Variants in LRRC8E observed in about 807,000 individuals in gnomAD.
The protein encoded by LRRC8E is volume-regulated anion channel subunit LRRC8E.
In LRRC8E, 6 loss-of-function variants were observed where a neutral mutation model predicts 6.1. The observed-to-expected ratio is 0.98, with a 90% CI of 0.54 to 1.93. The LOEUF is 1.93. Ranked by LOEUF, LRRC8E falls within the 30% of genes most tolerant of loss-of-function variation. The pLI is 0.01. For missense variants in LRRC8E, 1,028 were observed against 1,031.4 expected, an observed-to-expected ratio of 1.00 and a Z score of 0.04; for synonymous variants, 485 against 472.8, an observed-to-expected ratio of 1.03 and a Z score of -0.33.
chr19:7,899,384 G>A lies in LRRC8E; in HGVS notation c.862G>A (p.Val288Met). The A allele has an allele frequency of 6.2e-7, 1 of 1,614,196 alleles. No homozygotes were observed. Among genetic ancestry groups the A allele is most frequent in the Non-Finnish European group, 8.5e-7 (1 of 1,180,034 alleles). Residue 288 changes from valine (V) to methionine (M), a missense_variant, in exon 3 of 3, where the codon GTG becomes ATG. Coordinates refer to ENST00000306708, the MANE Select transcript of LRRC8E (RefSeq NM_025061.6). ...EKISFLVACR[V>M]ETSEVTGYAS... ...GATCAGTTTCCTGGTGGCCTGTAGG[G>A]TGGAGACGTCAGAGGTCACGGGCTA...
chr19:7,894,188 C>T (rs1981457991), intron 1 of LRRC8E, among the ~76,000 whole-genome samples: 1 of 152,148 alleles, frequency 6.6e-6, no homozygotes, highest in African/African-American at 2.4e-5. Context: ...TGCCCTCCTT[C>T]TTGGCCCAAC....
rs1350413540 is a variant in LRRC8E, at chr19:7,900,046, C to T, written c.1524C>T (p.Gly508=). 2 of 1,610,936 alleles carry T rather than the reference C, an allele frequency of 1.2e-6. No individual in the cohort carries two copies. The highest frequency in any genetic ancestry group is 1.7e-6 in the Non-Finnish European group (2 of 1,179,448). ...EVPLWVFGLR[G]LEELHLEGLF... ...CGCTTTGGGTGTTTGGGCTGCGGGG[C>T]TTGGAGGAGCTGCACCTGGAGGGGC... Residue 508 remains glycine, a synonymous_variant, in exon 3 of 3, where the codon GGC becomes GGT. Transcript: ENST00000306708. The surrounding 1 kb of genome is among the most constrained non-coding windows in gnomAD (Gnocchi z 5.0).
rs370313327 is a variant in LRRC8E, at chr19:7,900,599, C to A, written c.2077C>A (p.Pro693Thr). The part of the protein sequence containing the change: ...VSHNGLHSLP[P>T]EVGLLQNLQH... ...CCACAATGGGCTACACTCCCTGCCA[C>A]CCGAGGTGGGCCTCCTGCAGAACCT... Residue 693 changes from proline to threonine, a missense_variant, in exon 3 of 3, where the codon CCC (proline) becomes ACC (threonine). Pro to Thr is a conservative substitution (Grantham distance 38). Transcript: ENST00000306708. The surrounding 1 kb of genome is among the most constrained non-coding windows in gnomAD (Gnocchi z 5.0). 4 of 1,613,238 alleles carry A rather than the reference C, an allele frequency of 2.5e-6. No homozygotes were observed. The highest frequency in any genetic ancestry group is 1.7e-5 in the Admixed American group (1 of 60,010).
At chr19:7,889,815 T>A (rs1402013470) in intron 1 of LRRC8E, among the ~76,000 whole-genome samples, 1 of 150,576 alleles carries the variant, frequency 6.6e-6, no homozygotes, top group Non-Finnish European at 1.5e-5. Flanking sequence ...AGTGGCACGA[T>A]CTTGGCTCAC....
chr19:7,900,012 G>A lies in LRRC8E; in HGVS notation c.1490G>A (p.Arg497His), dbSNP rs558407711. The change falls in exon 3 of 3, where the codon CGC becomes CAC. Residue 497 changes from arginine to histidine, a missense_variant. Arg to His is a conservative substitution (Grantham distance 29). Coordinates refer to ENST00000306708, the MANE Select transcript of LRRC8E (RefSeq NM_025061.6). The surrounding 1 kb of genome is among the most constrained non-coding windows in gnomAD (Gnocchi z 5.0). ...KVMRVKCEEL[R>H]EVPLWVFGLR... ...ATGCGCGTCAAATGCGAGGAGCTCCGCGAGGTGCCGCTTTGGGTGTTTGGG... is the reference window on the plus strand; with the variant it reads ...ATGCGCGTCAAATGCGAGGAGCTCCACGAGGTGCCGCTTTGGGTGTTTGGG... 1.9e-6 allele frequency: 3 copies of A among 1,609,398 alleles called. No homozygotes were observed. The highest frequency in any genetic ancestry group is 4.5e-5 in the East Asian group (2 of 44,802).
At position 7,895,714 on chromosome 19, in the gene LRRC8E, G is replaced by A. The variant is rs139126578; in HGVS notation, c.111G>A (p.Met37Ile). The A allele has an allele frequency of 1.9e-6, 3 of 1,614,102 alleles. No homozygotes were observed. The highest frequency in any genetic ancestry group is 2.5e-6 in the Non-Finnish European group (3 of 1,179,968). Residue 37 changes from methionine to isoleucine, a missense_variant, in exon 2 of 3, where the codon ATG becomes ATA. By Grantham distance (10) the Met-to-Ile change is conservative. Transcript: ENST00000306708. This position sits in a 1 kb window ranked among gnomAD's most constrained non-coding sequence, Gnocchi z 4.7. ...LAEYLTVAML[M>I]IGVFGCTLQV... The stretch of plus-strand genomic sequence containing the variant: ...AGTACCTCACCGTGGCCATGCTCAT[G>A]ATTGGGGTCTTTGGCTGCACCCTCC...
chr19:7,892,057 AC>A (rs1195274307), intron 1 of LRRC8E, among the ~76,000 whole-genome samples: 1 of 147,688 alleles, frequency 6.8e-6, no homozygotes, highest in Non-Finnish European at 1.5e-5. Context: ...GCACCACCAC[AC>A]CTGGCAAGAT....
chr19:7,890,117 C>T (rs571675459), intron 1 of LRRC8E, among the ~76,000 whole-genome samples: 25 of 151,952 alleles, frequency 1.6e-4, no homozygotes, highest in Non-Finnish European at 3.2e-4. Flanking sequence ...CTGAAAACTG[C>T]TGGATGTTTC....
chr19:7,892,362 G>C (rs983959380), intron 1 of LRRC8E, among the ~76,000 whole-genome samples: 9 of 152,150 alleles, frequency 5.9e-5, no homozygotes, highest in Middle Eastern at 3.4e-3. Context: ...GTGAGCCACC[G>C]CACCCGGCCC....
rs984314068 is a variant in LRRC8E, at chr19:7,901,808, T to G, written c.*895T>G. 2 of 152,096 alleles carry G rather than the reference T, an allele frequency of 1.3e-5. No homozygotes were observed. Among genetic ancestry groups the G allele is most frequent in the African/African-American group, 4.8e-5 (2 of 41,412 alleles). The allele number at this position is 152,096 out of a possible 1,614,324, so 9.4% of individuals were successfully genotyped here. ...GAAACTGATGAAGCCAGGCACCTCC[T>G]TCCTCAGGAAAATGCTGGTGTACAA... On this transcript the variant is annotated 3_prime_UTR_variant, in exon 3 of 3. Coordinates refer to ENST00000306708, the MANE Select transcript of LRRC8E (RefSeq NM_025061.6).
At chr19:7,890,329 C>T (rs1981238970) in intron 1 of LRRC8E, among the ~76,000 whole-genome samples, 1 of 152,154 alleles carries the variant, frequency 6.6e-6, no homozygotes, top group Non-Finnish European at 1.5e-5. Flanking sequence ...AGCCTTCCAG[C>T]CTGGCCTGCC....
Position 7,901,102 on chromosome 19 carries a change from T to C in LRRC8E, c.*189T>C, listed in dbSNP as rs1981991427. 3 of 530,484 alleles carry C rather than the reference T, an allele frequency of 5.7e-6. No individual in the cohort carries two copies. Among genetic ancestry groups the C allele is most frequent in the Non-Finnish European group, 9.8e-6 (3 of 307,312 alleles). The allele number at this position is 530,484 out of a possible 1,614,324, so 32.9% of individuals were successfully genotyped here. On this transcript the variant is annotated 3_prime_UTR_variant, in exon 3 of 3. Coordinates refer to ENST00000306708, the MANE Select transcript of LRRC8E (RefSeq NM_025061.6). Reference sequence around the variant, plus strand: ...TTGTCTGGGGAGACAGACAGGATGTTGTGGAGCTGGGGTGGAACCTGGTAT... The same window carrying C: ...TTGTCTGGGGAGACAGACAGGATGTCGTGGAGCTGGGGTGGAACCTGGTAT...
At chr19:7,889,189 C>T (rs1055101093) in intron 1 of LRRC8E, among the ~76,000 whole-genome samples, 1 of 152,114 alleles carries the variant, frequency 6.6e-6, no homozygotes, top group Non-Finnish European at 1.5e-5. Flanking sequence ...CCGTGCCTTA[C>T]GTCTATAATC....
chr19:7,900,640 C>T lies in LRRC8E; in HGVS notation c.2118C>T (p.Leu706=). The part of the protein sequence containing the change: ...GLLQNLQHLA[L]SYNALEALPE... ...TGCAGAACCTACAGCACCTGGCCCT[C>T]TCCTACAATGCCCTGGAGGCCCTGC... Residue 706 remains leucine, a synonymous_variant, in exon 3 of 3, where the codon CTC becomes CTT. Transcript: ENST00000306708. The surrounding 1 kb of genome is among the most constrained non-coding windows in gnomAD (Gnocchi z 5.0). 6.2e-7 allele frequency: 1 copy of T among 1,613,450 alleles called. No homozygotes were observed. The highest frequency in any genetic ancestry group is 2.2e-5 in the East Asian group (1 of 44,880).
chr19:7,895,629 A>C lies in LRRC8E; in HGVS notation c.26A>C (p.Gln9Pro). 2 of 1,613,868 alleles carry C rather than the reference A, an allele frequency of 1.2e-6. No homozygotes were observed. The highest frequency in any genetic ancestry group is 1.7e-6 in the Non-Finnish European group (2 of 1,179,786). Residue 9 changes from glutamine (Q) to proline (P), a missense_variant, in exon 2 of 3, where the codon CAG (glutamine) becomes CCG (proline). Transcript: ENST00000306708. This position sits in a 1 kb window ranked among gnomAD's most constrained non-coding sequence, Gnocchi z 4.7. The part of the protein sequence containing the change: MIPVAEFK[Q>P]FTEQQPAFKV... Reference sequence around the variant, plus strand: ...ATGATCCCAGTGGCCGAGTTCAAGCAGTTCACGGAACAGCAGCCTGCGTTC... The same window carrying C: ...ATGATCCCAGTGGCCGAGTTCAAGCCGTTCACGGAACAGCAGCCTGCGTTC...
intron 1 of LRRC8E, among the ~76,000 whole-genome samples, chr19:7,892,690 C>A (rs889848333): frequency 2.6e-5 from 4 of 152,174 alleles, no homozygotes; most frequent in African/African-American, 9.7e-5. Context: ...CAAAATGACC[C>A]CAAGCGTCCA....
Position 7,895,661 on chromosome 19 carries a change from C to G in LRRC8E, c.58C>G (p.Leu20Val). 6.2e-7 allele frequency: 1 copy of G among 1,614,146 alleles called. No homozygotes were observed. The highest frequency in any genetic ancestry group is 8.5e-7 in the Non-Finnish European group (1 of 1,179,988). The change falls in exon 2 of 3, where the codon CTC becomes GTC. Residue 20 changes from leucine (L) to valine (V), a missense_variant. Leu to Val is a conservative substitution (Grantham distance 32). Coordinates refer to ENST00000306708, the MANE Select transcript of LRRC8E (RefSeq NM_025061.6). This position sits in a 1 kb window ranked among gnomAD's most constrained non-coding sequence, Gnocchi z 4.7. The part of the protein sequence containing the change: ...FTEQQPAFKV[L>V]KPWWDVLAEY... ...GGAACAGCAGCCTGCGTTCAAGGTG[C>G]TCAAACCCTGGTGGGACGTGCTGGC...
intron 1 of LRRC8E, among the ~76,000 whole-genome samples, chr19:7,894,326 A>G (rs1312464463): frequency 6.6e-6 from 1 of 152,158 alleles, no homozygotes; most frequent in Non-Finnish European, 1.5e-5. Flanking sequence ...CCCCGGATCA[A>G]GACCCTCCCA....
rs775658924 is a variant in LRRC8E at position 7,899,275 on chromosome 19, G to A, written c.753G>A (p.Leu251=). The A allele has an allele frequency of 6.8e-6, 11 of 1,614,234 alleles. No individual in the cohort carries two copies. The South Asian group carries it at 1.1e-4, about 16-fold the overall frequency. ...TGCACGTGGAAGAGGGCGACATCCT[G>A]TACACCATGTACATCCGACAGACGG... The part of the protein sequence containing the change: ...FRMHVEEGDI[L]YTMYIRQTVL... The change falls in exon 3 of 3, where the codon CTG becomes CTA. Residue 251 remains leucine, a synonymous_variant. Coordinates refer to ENST00000306708, the MANE Select transcript of LRRC8E (RefSeq NM_025061.6).
Sources: allele counts gnomAD v4.1 joint callset (sites outside exome capture counted in the v4.1 genomes callset), GRCh38; gene constraint gnomAD v4.1.1; non-coding constraint Gnocchi (gnomAD v3.1); transcripts MANE v1.5; gene names NCBI Gene and HGNC (gene_info 2026-07-23, HGNC 2026-07-21).